The following SLC38A6 variants were observed in gnomAD, a reference collection of about 807,000 sequenced individuals.
SLC38A6 encodes N system amino acid transporter NAT-1.
In SLC38A6, 73 loss-of-function variants were observed where a neutral mutation model predicts 65.0. The observed-to-expected ratio is 1.12, with a 90% CI of 0.93 to 1.37. SLC38A6 has a LOEUF of 1.37. SLC38A6 is among the 40% of genes most tolerant of loss of function. SLC38A6 has a pLI of 0.00. For synonymous variants in SLC38A6, 183 were observed against 178.8 expected (o/e 1.02, Z -0.19); for missense variants, 561 against 531.1 (o/e 1.06, Z -0.55).
chr14:61,008,585 A>G (rs1343331102), intron 3 of SLC38A6, among the ~76,000 whole-genome samples: 3 of 152,194 alleles, frequency 2.0e-5, no homozygotes, highest in African/African-American at 7.2e-5. Flanking sequence ...CTATAGGATT[A>G]TACAAATAGT....
At chr14:60,995,083 T>C (rs1375573724) in intron 3 of SLC38A6, among the ~76,000 whole-genome samples, 10 of 151,964 alleles carry the variant, frequency 6.6e-5, no homozygotes, top group Non-Finnish European at 1.2e-4. Flanking sequence ...AAATGTATAC[T>C]GTCAAGTGAA....
In SLC38A6 at chr14:61,039,785, T is replaced by A. The variant is rs556718967; in HGVS notation, c.624+2102T>A. 2.0e-5 allele frequency among the ~76,000 whole-genome samples: 3 copies of A among 152,272 alleles called. No individual in the cohort carries two copies. The East Asian group carries it at 5.8e-4, about 29-fold the overall frequency. Reference sequence around the variant, plus strand: ...TGGAAGGATACCAGTTTTTCATTTATTATTCTTGTCAATATGTGTTTGTAA... The same window carrying A: ...TGGAAGGATACCAGTTTTTCATTTAATATTCTTGTCAATATGTGTTTGTAA... On this transcript the variant is annotated intron_variant, in intron 8 of 15. Coordinates refer to ENST00000267488, the MANE Select transcript of SLC38A6 (RefSeq NM_153811.3).
intron 6 of SLC38A6, chr14:61,030,892 A>G (rs1245988931): frequency 6.3e-6 from 1 of 157,764 alleles, no homozygotes; most frequent in East Asian, 1.8e-4. Context: ...ATATACTGAC[A>G]GTACGGGTCT....
intron 10 of SLC38A6, 111 bp downstream of exon 10, chr14:61,043,614 ATGAAAG>A (rs2041946075): frequency 4.4e-6 from 3 of 681,532 alleles, no homozygotes; most frequent in Non-Finnish European, 7.2e-6. Flanking sequence ...ATTAATTTTC[ATGAAAG>A]TGCTAAGTAT....
chr14:61,034,863 A>T (rs559413001), intron 6 of SLC38A6, among the ~76,000 whole-genome samples: 1 of 152,140 alleles, frequency 6.6e-6, no homozygotes, highest in Admixed American at 6.6e-5. Flanking sequence ...ATTAGGGTGG[A>T]GAAGGGAAAA....
intron 3 of SLC38A6, 27 bp downstream of exon 3, chr14:60,984,830 T>TTTAATA (rs1412474228): frequency 6.3e-7 from 1 of 1,598,446 alleles, no homozygotes; most frequent in Non-Finnish European, 8.6e-7. Context: ...TGCTGCTTCA[T>TTTAATA]TTAATAAAGG....
chr14:61,049,311 C>G (rs1194598665), intron 12 of SLC38A6, among the ~76,000 whole-genome samples: 3 of 152,158 alleles, frequency 2.0e-5, no homozygotes, highest in Admixed American at 2.0e-4. Context: ...CACTGTAGTA[C>G]TTACTAGACC....
At chr14:61,074,704 TC>T (rs2043341454) in intron 15 of SLC38A6, among the ~76,000 whole-genome samples, 10 of 116,882 alleles carry the variant, frequency 8.6e-5, no homozygotes, top group Non-Finnish European at 1.5e-4. Context: ...CCTCCCTCCC[TC>T]CCTCCCTTCC....
intron 15 of SLC38A6, among the ~76,000 whole-genome samples, chr14:61,061,249 T>G (rs2042830344): frequency 6.6e-6 from 1 of 152,260 alleles, no homozygotes; most frequent in Non-Finnish European, 1.5e-5. Context: ...TTTATTGATT[T>G]GCATATGTTG....
intron 3 of SLC38A6, among the ~76,000 whole-genome samples, chr14:60,989,898 A>C (rs1255692173): frequency 6.6e-6 from 1 of 152,146 alleles, no homozygotes; most frequent in East Asian, 1.9e-4. Context: ...TCTGAAAGAC[A>C]AGTCACGCTT....
intron 7 of SLC38A6, 91 bp from the exon 8 acceptor site, chr14:61,037,534 A>G (rs2041478784): frequency 1.2e-6 from 1 of 858,546 alleles, no homozygotes; most frequent in Non-Finnish European, 1.8e-6. Flanking sequence ...CAACCACTAT[A>G]ATAGAAAACA....
intron 5 of SLC38A6, among the ~76,000 whole-genome samples, chr14:61,019,990 C>A (rs1266732665): frequency 1.3e-5 from 2 of 152,106 alleles, no homozygotes; most frequent in Non-Finnish European, 2.9e-5. Context: ...CAAGTATGGA[C>A]AACAGTGTCC....
intron 11 of SLC38A6, among the ~76,000 whole-genome samples, chr14:61,045,834 C>T (rs1218705875): frequency 2.0e-5 from 3 of 147,806 alleles, no homozygotes; most frequent in African/African-American, 5.0e-5. Flanking sequence ...TACAGTGAGC[C>T]GAGATCACAC....
chr14:61,017,885 C>T (rs1027796295), intron 4 of SLC38A6, among the ~76,000 whole-genome samples: 3 of 152,160 alleles, frequency 2.0e-5, no homozygotes, highest in Admixed American at 6.5e-5. Flanking sequence ...GAAACTTAAC[C>T]ATTTCCTTCT....
Position 61,052,572 on chromosome 14 carries a change from G to A in SLC38A6, c.*143G>A. The stretch of plus-strand genomic sequence containing the variant: ...CAGAACAAAATGGCAGTGGGTATGG[G>A]GAAGTAAGAGTGTGGCAGTTTTAAT... On this transcript the variant is annotated 3_prime_UTR_variant, in exon 16 of 16. Coordinates refer to ENST00000267488, the MANE Select transcript of SLC38A6 (RefSeq NM_153811.3). The A allele has an allele frequency of 1.7e-6, 2 of 1,200,422 alleles. No individual in the cohort carries two copies. Among genetic ancestry groups the A allele is most frequent in the South Asian group, 2.1e-5 (1 of 48,600 alleles). The allele number at this position is 1,200,422 out of a possible 1,614,324, so 74.4% of individuals were successfully genotyped here.
chr14:61,020,025 A>G (rs1018645692), intron 5 of SLC38A6, among the ~76,000 whole-genome samples: 1 of 152,158 alleles, frequency 6.6e-6, no homozygotes, highest in African/African-American at 2.4e-5. Context: ...ATTTAAAATG[A>G]CCAAGTGGTT....
At chr14:61,025,248 A>C (rs575422078) in intron 5 of SLC38A6, among the ~76,000 whole-genome samples, 1 of 152,322 alleles carries the variant, frequency 6.6e-6, no homozygotes, top group South Asian at 2.1e-4. Context: ...GTATTTGAAA[A>C]ATTCACAATA....
At chr14:61,073,382 A>ACCTCTTAAAGGCTCCATCT (rs1261502016) in intron 15 of SLC38A6, among the ~76,000 whole-genome samples, 10 of 152,006 alleles carry the variant, frequency 6.6e-5, no homozygotes, top group Non-Finnish European at 1.5e-4. Flanking sequence ...TGGCCTAATC[A>ACCTCTTAAAGGCTCCATCT]CCTCTTAAAG....
At chr14:61,001,457 G>T (rs2038703769) in intron 3 of SLC38A6, among the ~76,000 whole-genome samples, 1 of 152,132 alleles carries the variant, frequency 6.6e-6, no homozygotes, top group Non-Finnish European at 1.5e-5. Context: ...TCTCTGCAGG[G>T]TTAAACATTT....
Sources: allele counts gnomAD v4.1 joint callset (sites outside exome capture counted in the v4.1 genomes callset), GRCh38; gene constraint gnomAD v4.1.1; transcripts MANE v1.5; gene names NCBI Gene and HGNC (gene_info 2026-07-23, HGNC 2026-07-21).